Variants in PPM1E observed in about 807,000 individuals in gnomAD.
PPM1E encodes protein phosphatase 1E.
A neutral mutation model predicts 65.9 loss-of-function variants in PPM1E; 20 were observed. The observed-to-expected ratio is 0.30, with a 90% CI of 0.21 to 0.44. The LOEUF (loss-of-function observed/expected upper bound fraction) is 0.44. PPM1E is among the 20% of genes least tolerant of loss of function. PPM1E has a pLI of 1.00. For synonymous variants in PPM1E, 352 were observed against 374.9 expected (o/e 0.94, Z 0.70); for missense variants, 713 against 953.1 (o/e 0.75, Z 3.32).
At chr17:58,975,559 T>C (rs2030947321) in intron 6 of PPM1E, among the ~76,000 whole-genome samples, 1 of 152,124 alleles carries the variant, frequency 6.6e-6, no homozygotes, top group African/African-American at 2.4e-5. Flanking sequence ...TGGAGGATAA[T>C]GTGCTGGGAA....
chr17:58,905,449 A>C (rs750583266), intron 1 of PPM1E, among the ~76,000 whole-genome samples: 18 of 152,084 alleles, frequency 1.2e-4, no homozygotes, highest in Non-Finnish European at 2.4e-4. Flanking sequence ...CTTTTTCTGC[A>C]TCTTTTGATA....
chr17:58,856,333 G>A (rs540768000), intron 1 of PPM1E, among the ~76,000 whole-genome samples: 11 of 152,102 alleles, frequency 7.2e-5, no homozygotes, highest in South Asian at 4.2e-4. Context: ...CCCACCTCCC[G>A]GATTCAAGCG....
intron 1 of PPM1E, among the ~76,000 whole-genome samples, chr17:58,923,816 A>C (rs1177826991): frequency 6.7e-6 from 1 of 148,846 alleles, no homozygotes; most frequent in Non-Finnish European, 1.5e-5. Flanking sequence ...CAGGAGGCTG[A>C]GGAGGGAGGA....
intron 1 of PPM1E, among the ~76,000 whole-genome samples, chr17:58,782,405 G>GTTTT (rs5821246): frequency 7.2e-6 from 1 of 138,698 alleles, no homozygotes; most frequent in Non-Finnish European, 1.6e-5. Flanking sequence ...TCAGGTTTTT[G>GTTTT]TTTTTTTTTT....
chr17:58,805,961 CA>C lies in PPM1E; in HGVS notation c.464+49512del, dbSNP rs71367632. Among the ~76,000 whole-genome samples, 54 of 69,834 alleles carry C rather than the reference CA, an allele frequency of 7.7e-4. 1 individual carries two copies. In the South Asian group the frequency reaches 0.012, roughly 16 times the overall value. The allele number at this position is 69,834 out of a possible 152,430, so 45.8% of individuals were successfully genotyped here. On this transcript the variant is annotated intron_variant, in intron 1 of 6. Coordinates refer to ENST00000308249, the MANE Select transcript of PPM1E (RefSeq NM_014906.5). Reference sequence around the variant, plus strand: ...CAGGCTGTTCTGCTAAAAAAAAAAACAAAAAAAAAAAACAAAAAAAAAACAA... The same window carrying C: ...CAGGCTGTTCTGCTAAAAAAAAAAACAAAAAAAAAAACAAAAAAAAAACAA...
At chr17:58,838,066 A>G (rs2050681038) in intron 1 of PPM1E, among the ~76,000 whole-genome samples, 1 of 152,260 alleles carries the variant, frequency 6.6e-6, no homozygotes, top group Admixed American at 6.5e-5. Context: ...GATCATACAC[A>G]TAAATGTAAA....
In PPM1E at chr17:58,817,185, C is replaced by A. The variant is rs572682573; in HGVS notation, c.464+60724C>A. 2.6e-5 allele frequency among the ~76,000 whole-genome samples: 4 copies of A among 152,160 alleles called. No homozygotes were observed. In the East Asian group the frequency reaches 7.7e-4, roughly 29 times the overall value. On this transcript the variant is annotated intron_variant, in intron 1 of 6. Transcript: ENST00000308249. ...ATTTATCTGTTGAAGGACACTTGGA[C>A]ATTTTCACCTTTTTGACTATTGTGA...
chr17:58,836,709 T>C (rs969351713), intron 1 of PPM1E, among the ~76,000 whole-genome samples: 11 of 150,482 alleles, frequency 7.3e-5, no homozygotes, highest in Admixed American at 3.9e-4. Context: ...GTGATCTGCC[T>C]GCCTCGGCCT....
At chr17:58,950,195 C>A (rs965054355) in intron 1 of PPM1E, among the ~76,000 whole-genome samples, 1 of 151,804 alleles carries the variant, frequency 6.6e-6, no homozygotes. Context: ...AACCCTGTCT[C>A]TACTAAAAAT....
At position 58,980,378 on chromosome 17, in the gene PPM1E, G is replaced by T; in HGVS notation, c.1615G>T (p.Asp539Tyr). The change falls in exon 7 of 7, where the codon GAC becomes TAC. Residue 539 changes from aspartate to tyrosine, a missense_variant. Coordinates refer to ENST00000308249, the MANE Select transcript of PPM1E (RefSeq NM_014906.5). This position sits in a 1 kb window ranked among gnomAD's most constrained non-coding sequence, Gnocchi z 4.7. ...TCAGCACCAGTGCTCAGCACCAGCC[G>T]ACCTAGGCTATGATGGGCGTGTGGA... ...WPQHQCSAPA[D>Y]LGYDGRVDSF... 6.2e-7 allele frequency: 1 copy of T among 1,614,134 alleles called. No homozygotes were observed. Among genetic ancestry groups the T allele is most frequent in the African/African-American group, 1.3e-5 (1 of 75,036 alleles).
intron 1 of PPM1E, among the ~76,000 whole-genome samples, chr17:58,766,713 A>G (rs2049883593): frequency 6.6e-6 from 1 of 152,070 alleles, no homozygotes; most frequent in Admixed American, 6.6e-5. Context: ...CTAATATGTT[A>G]TTACATAAAT....
At chr17:58,836,648 A>G (rs1049739025) in intron 1 of PPM1E, among the ~76,000 whole-genome samples, 1 of 150,602 alleles carries the variant, frequency 6.6e-6, no homozygotes, top group Non-Finnish European at 1.5e-5. Context: ...TATTTTTAGT[A>G]GAGACGGGGT....
At chr17:58,951,573 G>C (rs1255830188) in intron 1 of PPM1E, 1 of 151,988 alleles carries the variant, frequency 6.6e-6, no homozygotes, top group Non-Finnish European at 1.5e-5. Context: ...ACTTGCGGGG[G>C]CTGAGGTGGG....
intron 1 of PPM1E, among the ~76,000 whole-genome samples, chr17:58,954,248 A>AT (rs1214749825): frequency 6.6e-6 from 1 of 151,744 alleles, no homozygotes; most frequent in East Asian, 1.9e-4. Flanking sequence ...CAAGTTCTAT[A>AT]TTTTTTTCTC....
At position 58,980,440 on chromosome 17, in the gene PPM1E, C is replaced by A; in HGVS notation, c.1677C>A (p.Ser559=). 6.2e-7 allele frequency: 1 copy of A among 1,614,036 alleles called. No individual in the cohort carries two copies. Among genetic ancestry groups the A allele is most frequent in the Non-Finnish European group, 8.5e-7 (1 of 1,179,996 alleles). Residue 559 remains serine (S), a synonymous_variant, in exon 7 of 7, where the codon TCC becomes TCA. Coordinates refer to ENST00000308249, the MANE Select transcript of PPM1E (RefSeq NM_014906.5). This position sits in a 1 kb window ranked among gnomAD's most constrained non-coding sequence, Gnocchi z 4.7. ...FTDRTSLSPG[S]QINVLEDPGY... ...ATAGAACTAGCCTGAGCCCAGGGTC[C>A]CAAATCAACGTGCTGGAAGACCCAG...
chr17:58,947,734 A>G (rs977081959), intron 1 of PPM1E, among the ~76,000 whole-genome samples: 1 of 152,106 alleles, frequency 6.6e-6, no homozygotes, highest in Non-Finnish European at 1.5e-5. Flanking sequence ...GCAAATTACC[A>G]CAAAACTTAG....
chr17:58,932,405 G>A (rs1224020643), intron 1 of PPM1E, among the ~76,000 whole-genome samples: 2 of 152,108 alleles, frequency 1.3e-5, no homozygotes, highest in Admixed American at 6.5e-5. Context: ...GGAGGTGGAG[G>A]TTGCAGTGAG....
In PPM1E at chr17:58,965,777, C is replaced by T. The variant is rs777556647; in HGVS notation, c.667C>T (p.Arg223Cys). ...CCSWVKDFPL[R>C]RRPQLYYETS... ...CAGCTGGGTGAAAGACTTCCCCCTC[C>T]GCAGGAGACCCCAGCTTTATTATGA... Residue 223 changes from arginine (R) to cysteine (C), a missense_variant, in exon 3 of 7, where the codon CGC becomes TGC. Coordinates refer to ENST00000308249, the MANE Select transcript of PPM1E (RefSeq NM_014906.5). 34 of 1,614,004 alleles carry T rather than the reference C, an allele frequency of 2.1e-5. No individual in the cohort carries two copies. The South Asian group carries it at 2.9e-4, about 14-fold the overall frequency.
At chr17:58,782,856 A>G (rs930790036) in intron 1 of PPM1E, among the ~76,000 whole-genome samples, 1 of 152,234 alleles carries the variant, frequency 6.6e-6, no homozygotes, top group Non-Finnish European at 1.5e-5. Context: ...AATTATATTC[A>G]GAAACAGGAA....
Sources: gnomAD v4.1 joint callset for allele counts (sites outside exome capture counted in the v4.1 genomes callset) on GRCh38, gnomAD v4.1.1 for gene constraint, Gnocchi (gnomAD v3.1) non-coding constraint, MANE v1.5 for transcripts, NCBI Gene and HGNC (gene_info 2026-07-23, HGNC 2026-07-21) for gene names.